ARHGAP11A: variants seen among roughly 807,000 people sequenced by gnomAD.
ARHGAP11A encodes the protein rho GTPase-activating protein 11A.
ARHGAP11A carries 36 observed loss-of-function variants against 60.5 expected under a neutral mutation model. The ratio of observed to expected loss-of-function variants is 0.59; its 90% CI spans 0.46 to 0.79. The LOEUF is 0.79. ARHGAP11A is among the 30% of genes least tolerant of loss of function. The probability of loss-of-function intolerance (pLI) is 0.00; values close to 1 mark genes in which losing one functional copy is unlikely to be tolerated. For synonymous variants in ARHGAP11A, 362 were observed against 415.5 expected (o/e 0.87, Z 1.57); for missense variants, 1,071 against 1,199.2 (o/e 0.89, Z 1.58).
Position 32,637,052 on chromosome 15 carries a change from G to C in ARHGAP11A, c.2279G>C (p.Arg760Thr). 1 of 1,613,966 alleles carries C rather than the reference G, an allele frequency of 6.2e-7. No individual in the cohort carries two copies. Among genetic ancestry groups the C allele is most frequent in the Non-Finnish European group, 8.5e-7 (1 of 1,180,038 alleles). ...KCAAHSKDEA[R>T]SSFSQQSTCV... ...GCAGCACATAGCAAGGACGAGGCTAGATCCTCTTTCTCACAGCAGAGTACA... is the reference window on the plus strand; with the variant it reads ...GCAGCACATAGCAAGGACGAGGCTACATCCTCTTTCTCACAGCAGAGTACA... The change falls in exon 12 of 12, where the codon AGA (arginine) becomes ACA (threonine). Residue 760 changes from arginine to threonine, a missense_variant. Arg to Thr is a moderately conservative substitution (Grantham distance 71). Around this residue, in one of 4 missense-constraint regions of ARHGAP11A, gnomAD observed 776 missense variants for 760.2 expected, o/e 1.02. Transcript: ENST00000361627.
chr15:32,618,623 A>T (rs1213551817), intron 1 of ARHGAP11A, among the ~76,000 whole-genome samples: 2 of 152,064 alleles, frequency 1.3e-5, no homozygotes, highest in African/African-American at 4.8e-5. Context: ...TCAGCTGTTA[A>T]GCAAGAGTTA....
At chr15:32,620,841 G>A (rs2053277372) in intron 2 of ARHGAP11A, among the ~76,000 whole-genome samples, 1 of 152,020 alleles carries the variant, frequency 6.6e-6, no homozygotes, top group Non-Finnish European at 1.5e-5. Context: ...CGAGGCAGGA[G>A]GATCGCTTGA....
At chr15:32,625,793 A>G (rs2053444481) in intron 6 of ARHGAP11A, among the ~76,000 whole-genome samples, 160 bp downstream of exon 6, 1 of 152,236 alleles carries the variant, frequency 6.6e-6, no homozygotes, top group African/African-American at 2.4e-5. Context: ...CGATAGTACA[A>G]TCTAATGTTA....
chr15:32,622,138 G>T (rs1275139408), intron 2 of ARHGAP11A, among the ~76,000 whole-genome samples: 1 of 152,310 alleles, frequency 6.6e-6, no homozygotes, highest in Admixed American at 6.5e-5. Context: ...TTTTCAACAG[G>T]CCGGGCACAG....
intron 2 of ARHGAP11A, among the ~76,000 whole-genome samples, chr15:32,620,774 A>C (rs998415641): frequency 6.6e-6 from 1 of 152,030 alleles, no homozygotes; most frequent in Non-Finnish European, 1.5e-5. Flanking sequence ...TTTGTTTGTT[A>C]AAAAAATATT....
chr15:32,636,555 G>A lies in ARHGAP11A; in HGVS notation c.1782G>A (p.Glu594=). ...GGGATGAAAATAACATGACCAAAGA[G>A]ACTTTGGTGAAAGTTCAAAAAGCGT... is the stretch of plus-strand genomic sequence containing the variant. The part of the protein sequence containing the change: ...LSGDENNMTK[E]TLVKVQKAFS... Residue 594 remains glutamate (E), a synonymous_variant, in exon 12 of 12, where the codon GAG becomes GAA. Coordinates refer to ENST00000361627, the MANE Select transcript of ARHGAP11A (RefSeq NM_014783.6). 1.9e-6 allele frequency: 3 copies of A among 1,614,012 alleles called. No homozygotes were observed. Among genetic ancestry groups the A allele is most frequent in the Non-Finnish European group, 2.5e-6 (3 of 1,179,904 alleles).
At chr15:32,620,653 A>G (rs1346870159) in intron 2 of ARHGAP11A, among the ~76,000 whole-genome samples, 1 of 152,008 alleles carries the variant, frequency 6.6e-6, no homozygotes, top group Non-Finnish European at 1.5e-5. Flanking sequence ...TAGAAATCAC[A>G]AAAAATTTTT....
At chr15:32,615,240 G>A (rs1258244279), upstream of ARHGAP11A, 1 of 152,144 alleles carries the variant, frequency 6.6e-6, no homozygotes, top group Non-Finnish European at 1.5e-5. Flanking sequence ...TACTGTGAAT[G>A]GTCTGAGGCG....
intron 1 of ARHGAP11A, among the ~76,000 whole-genome samples, chr15:32,617,566 G>A (rs1241332852): frequency 6.7e-6 from 1 of 148,440 alleles, no homozygotes; most frequent in South Asian, 2.1e-4. Flanking sequence ...CTGCCTCCCG[G>A]GTTCACGCCA....
chr15:32,619,865 A>T (rs551684798), intron 1 of ARHGAP11A, among the ~76,000 whole-genome samples: 2 of 152,210 alleles, frequency 1.3e-5, no homozygotes, highest in South Asian at 4.1e-4. Context: ...AGTTTACTAG[A>T]TTATTTGAGG....
rs1276081645 is a variant in ARHGAP11A at position 32,638,645 on chromosome 15, G to A, written c.*800G>A. On this transcript the variant is annotated 3_prime_UTR_variant, in exon 12 of 12. Transcript: ENST00000361627. ...GCATCCTAAAACTCTATTTTTATTT[G>A]GGGCAGAGTAATTTCATTTATAGTG... is the stretch of plus-strand genomic sequence containing the variant. 6.6e-6 allele frequency: 1 copy of A among 152,588 alleles called. No individual in the cohort carries two copies. The highest frequency in any genetic ancestry group is 1.5e-5 in the Non-Finnish European group (1 of 68,006). The allele number at this position is 152,588 out of a possible 1,614,324, so 9.5% of individuals were successfully genotyped here.
chr15:32,615,934 C>A lies in ARHGAP11A; in HGVS notation c.-278C>A, dbSNP rs2053127574. The A allele has an allele frequency of 2.0e-6, 1 of 503,960 alleles. No homozygotes were observed. Among genetic ancestry groups the A allele is most frequent in the Non-Finnish European group, 3.5e-6 (1 of 285,122 alleles). 31.2% of individuals were successfully genotyped at this position (503,960 alleles called of 1,614,324 possible). On this transcript the variant is annotated 5_prime_UTR_variant, in exon 1 of 12. Transcript: ENST00000361627. Reference sequence around the variant, plus strand: ...AGAAGTCTATGTGAGTAGCTGAAAGCATTGGGTGACCAGAAAGAAGGTCGG... The same window carrying A: ...AGAAGTCTATGTGAGTAGCTGAAAGAATTGGGTGACCAGAAAGAAGGTCGG...
At chr15:32,622,895 C>T (rs1215593891) in intron 2 of ARHGAP11A, among the ~76,000 whole-genome samples, 1 of 151,996 alleles carries the variant, frequency 6.6e-6, no homozygotes, top group Non-Finnish European at 1.5e-5. Context: ...TGGACAGAGC[C>T]CTGGGTTGTT....
chr15:32,635,111 C>A (rs1248604558), intron 10 of ARHGAP11A, among the ~76,000 whole-genome samples: 1 of 152,202 alleles, frequency 6.6e-6, no homozygotes. Flanking sequence ...AAAGGCCTCA[C>A]GTGATCTGTT....
intron 8 of ARHGAP11A, among the ~76,000 whole-genome samples, chr15:32,632,368 A>C (rs2053604551): frequency 6.6e-6 from 1 of 152,240 alleles, no homozygotes; most frequent in Non-Finnish European, 1.5e-5. Context: ...ACACAGCAGC[A>C]GCCAAGGGAT....
intron 6 of ARHGAP11A, among the ~76,000 whole-genome samples, chr15:32,626,607 G>C (rs1469664598): frequency 6.6e-6 from 1 of 152,058 alleles, no homozygotes; most frequent in Non-Finnish European, 1.5e-5. Flanking sequence ...ATTTTCCTAG[G>C]GCTACTGTAG....
chr15:32,633,783 A>C, intron 9 of ARHGAP11A, 150 bp from the exon 10 acceptor site: 1 of 575,050 alleles, frequency 1.7e-6, no homozygotes, highest in South Asian at 2.4e-5. Context: ...CATGTATGGT[A>C]TCTTAAAGTT....
rs61733064 is a variant in ARHGAP11A, at chr15:32,633,101, G to A, written c.1228G>A (p.Val410Ile). ...RRSKRIAGKK[V>I]CRVESGKAGC... ...AAGTAAAAGAATTGCAGGCAAAAAA[G>A]TTTGCAGGTACTTTATCCAGGACAT... The change falls in exon 9 of 12, where the codon GTT becomes ATT. Residue 410 changes from valine (V) to isoleucine (I), a missense_variant. By Grantham distance (29) the Val-to-Ile change is conservative. Around this residue, in one of 4 missense-constraint regions of ARHGAP11A, gnomAD observed 776 missense variants for 760.2 expected, o/e 1.02. Coordinates refer to ENST00000361627, the MANE Select transcript of ARHGAP11A (RefSeq NM_014783.6). 16,557 of 1,613,846 alleles carry A rather than the reference G, an allele frequency of 0.01. 111 individuals are homozygous for A. The highest frequency in any genetic ancestry group is 0.012 in the Non-Finnish European group (14,726 of 1,179,856).
intron 6 of ARHGAP11A, 141 bp from the exon 7 acceptor site, chr15:32,628,587 G>C (rs2053520199): frequency 1.7e-6 from 1 of 594,516 alleles, no homozygotes; most frequent in African/African-American, 2.0e-5. Flanking sequence ...TTCCTATTTT[G>C]AAATAATTCC....
Sources: gnomAD v4.1 joint callset for allele counts (sites outside exome capture counted in the v4.1 genomes callset) on GRCh38, gnomAD v4.1.1 for gene constraint, gnomAD v4.1.1 regional missense constraint, MANE v1.5 for transcripts, NCBI Gene and HGNC (gene_info 2026-07-23, HGNC 2026-07-21) for gene names.